The following INTS6 variants were observed in gnomAD, a reference collection of about 807,000 sequenced individuals.
INTS6 encodes integrator complex subunit 6.
In INTS6, 16 loss-of-function variants were observed where a neutral mutation model predicts 104.9. The ratio of observed to expected loss-of-function variants is 0.15; its 90% CI spans 0.10 to 0.23. INTS6 has a LOEUF of 0.23. Among genes scored for constraint, INTS6 ranks in the 10% least tolerant of loss-of-function variants. INTS6 has a pLI of 1.00. For synonymous variants in INTS6, 324 were observed against 358.7 expected (o/e 0.90, Z 1.09); for missense variants, 584 against 1,062.8 (o/e 0.55, Z 6.26).
chr13:51,342,959 C>T, the INTS6 span, among the ~76,000 whole-genome samples: 43 of 152,290 alleles, frequency 2.8e-4, no homozygotes, highest in Admixed American at 1.0e-3. Context: ...GGAGCAGCTT[C>T]GGTAGTGAAC....
chr13:51,340,993 G>T, the INTS6 span: 5 of 1,399,138 alleles, frequency 3.6e-6, no homozygotes, highest in Non-Finnish European at 4.9e-6. Context: ...ACAGAGCTGG[G>T]GGTCCCAGTC....
chr13:51,362,134 T>C lies in INTS6; in HGVS notation c.*3618A>G, dbSNP rs1955590585. On this transcript the variant is annotated 3_prime_UTR_variant, in exon 18 of 18. Transcript: ENST00000311234. ...TCTCTCAGCTCATATATAGTTAATGTAGATTTTTTTTTTTAATGCTATAGG... is the reference window on the plus strand; with the variant it reads ...TCTCTCAGCTCATATATAGTTAATGCAGATTTTTTTTTTTAATGCTATAGG... 1.5e-5 allele frequency: 20 copies of C among 1,301,128 alleles called. No individual in the cohort carries two copies. The South Asian group carries it at 3.7e-4, about 24-fold the overall frequency. 80.6% of individuals were successfully genotyped at this position (1,301,128 alleles called of 1,614,324 possible).
downstream of INTS6, among the ~76,000 whole-genome samples, chr13:51,357,687 A>G (rs1413208739): frequency 3.3e-5 from 5 of 151,864 alleles, no homozygotes; most frequent in Admixed American, 6.6e-5. Context: ...TCTCCTTGAT[A>G]CTAGATGTTA....
At chr13:51,347,539 A>G in the INTS6 span, among the ~76,000 whole-genome samples, 1 of 152,208 alleles carries the variant, frequency 6.6e-6, no homozygotes, top group South Asian at 2.1e-4. Context: ...GGCAGGCACA[A>G]TAGGCCGGGA....
the INTS6 span, among the ~76,000 whole-genome samples, chr13:51,335,085 AC>A: frequency 1.3e-5 from 2 of 152,114 alleles, no homozygotes; most frequent in Non-Finnish European, 2.9e-5. Context: ...CTCAGAACAT[AC>A]CCATGTGTAT....
intron 15 of INTS6, 75 bp downstream of exon 15, chr13:51,374,133 T>C: frequency 8.3e-7 from 1 of 1,209,296 alleles, no homozygotes; most frequent in Non-Finnish European, 1.2e-6. Context: ...CCTTCTATAA[T>C]CTATAACAAA....
chr13:51,406,793 C>T (rs1956575380), intron 4 of INTS6, among the ~76,000 whole-genome samples: 1 of 152,152 alleles, frequency 6.6e-6, no homozygotes, highest in Admixed American at 6.5e-5. Flanking sequence ...CTAAGCCAAG[C>T]TTGTCCAACC....
chr13:51,404,224 T>C (rs1240699856), intron 4 of INTS6, among the ~76,000 whole-genome samples: 1 of 149,150 alleles, frequency 6.7e-6, no homozygotes, highest in Non-Finnish European at 1.5e-5. Flanking sequence ...CAGTGAGTCA[T>C]GATAGCACCA....
chr13:51,346,886 A>G, the INTS6 span: 6 of 635,646 alleles, frequency 9.4e-6, no homozygotes, highest in Admixed American at 2.5e-5. Context: ...ATATTGTAAG[A>G]TGAAGAGAGA....
chr13:51,379,247 A>C (rs574712051), intron 11 of INTS6, among the ~76,000 whole-genome samples: 1 of 152,116 alleles, frequency 6.6e-6, no homozygotes, highest in South Asian at 2.1e-4. Context: ...CATTTTCATA[A>C]ATTAGGAATT....
downstream of INTS6, chr13:51,361,230 G>A (rs1292107082): frequency 8.1e-7 from 1 of 1,241,300 alleles, no homozygotes; most frequent in African/African-American, 1.5e-5. Flanking sequence ...AAATGTGTTA[G>A]AAAAATGTTA....
At chr13:51,423,370 A>G (rs539383826) in intron 4 of INTS6, among the ~76,000 whole-genome samples, 2 of 152,066 alleles carry the variant, frequency 1.3e-5, no homozygotes, top group African/African-American at 4.8e-5. Flanking sequence ...TGCTAATTAC[A>G]TGGACATCCA....
chr13:51,408,986 T>C (rs569603316), intron 4 of INTS6, among the ~76,000 whole-genome samples: 1 of 152,198 alleles, frequency 6.6e-6, no homozygotes, highest in African/African-American at 2.4e-5. Context: ...TATCCCTTTC[T>C]TCTTCCATAT....
chr13:51,374,609 G>C (rs1235115467), intron 14 of INTS6, 45 bp downstream of exon 14: 1 of 1,603,076 alleles, frequency 6.2e-7, no homozygotes, highest in Non-Finnish European at 8.5e-7. Flanking sequence ...AAAACTGACA[G>C]TGCCTACCAT....
At chr13:51,451,730 C>T (rs1417719241) in intron 2 of INTS6, among the ~76,000 whole-genome samples, 2 of 149,794 alleles carry the variant, frequency 1.3e-5, no homozygotes, top group Admixed American at 6.6e-5. Flanking sequence ...GCGCCGCCGC[C>T]GCCGCCGCCG....
At chr13:51,344,190 G>GGTTGTGCTA in the INTS6 span, 2 of 1,199,560 alleles carry the variant, frequency 1.7e-6, no homozygotes, top group Non-Finnish European at 2.4e-6. Flanking sequence ...GTGTGCTGGA[G>GGTTGTGCTA]GTTGTGCTAA....
chr13:51,451,846 A>G, intron 2 of INTS6, 132 bp downstream of exon 2: 2 of 524,014 alleles, frequency 3.8e-6, no homozygotes, highest in Non-Finnish European at 6.7e-6. Flanking sequence ...CGCAGGGAAG[A>G]GACCTCAGCG....
intron 4 of INTS6, chr13:51,422,961 T>C: frequency 4.8e-6 from 4 of 824,966 alleles, no homozygotes; most frequent in Non-Finnish European, 6.7e-6. Context: ...CTTTACGCTG[T>C]CTCAGAACCT....
chr13:51,364,524 A>T lies in INTS6; in HGVS notation c.*1228T>A. 1 of 389,302 alleles carries T rather than the reference A, an allele frequency of 2.6e-6. No individual in the cohort carries two copies. The highest frequency in any genetic ancestry group is 4.4e-5 in the East Asian group (1 of 22,922). The allele number at this position is 389,302 out of a possible 1,614,324, so 24.1% of individuals were successfully genotyped here. A position where few individuals can be genotyped will look rare whatever the true frequency, so the allele number is the denominator to read the frequency against. ...CTTACCCCCCAAACCACTAAAAGGC[A>T]CAGCAGTGATCATGAATGGTGAGTG... On this transcript the variant is annotated 3_prime_UTR_variant, in exon 18 of 18. Coordinates refer to ENST00000311234, the MANE Select transcript of INTS6 (RefSeq NM_012141.3).
Sources: allele counts gnomAD v4.1 joint callset (sites outside exome capture counted in the v4.1 genomes callset), GRCh38; gene constraint gnomAD v4.1.1; transcripts MANE v1.5; gene names NCBI Gene and HGNC (gene_info 2026-07-23, HGNC 2026-07-21).